Variants in VARS1 observed in about 807,000 individuals in gnomAD.
VARS1 encodes the protein valine--tRNA ligase.
In VARS1, 92 loss-of-function variants were observed where a neutral mutation model predicts 161.0. That is an observed-to-expected ratio of 0.57 (90% CI 0.48 to 0.68). The LOEUF is 0.68. Among genes scored for constraint, VARS1 ranks in the 30% least tolerant of loss-of-function variants. The probability of loss-of-function intolerance (pLI) is 0.00; values close to 1 mark genes in which losing one functional copy is unlikely to be tolerated. For synonymous variants in VARS1, 595 were observed against 682.5 expected, an observed-to-expected ratio of 0.87 and a Z score of 2.00; for missense variants, 1,338 against 1,695.9, an observed-to-expected ratio of 0.79 and a Z score of 3.71.
At chr6:31,789,558 G>A (rs1033828579) in intron 8 of VARS1, among the ~76,000 whole-genome samples, 6 of 152,144 alleles carry the variant, frequency 3.9e-5, no homozygotes, top group East Asian at 1.9e-4. Flanking sequence ...GGCAGCTTCC[G>A]TTTGTACTTA....
In VARS1 at chr6:31,783,230, C is replaced by G. The variant is rs769337159; in HGVS notation, c.1672-44G>C. The stretch of plus-strand genomic sequence containing the variant: ...CAAAAACGCATGAAGCAGGGCCAGA[C>G]GCCGTGATTCCCACCTGTAATCCCA... On this transcript the variant is annotated intron_variant, in intron 13 of 29. Transcript: ENST00000375663. 4 of 1,584,726 alleles carry G rather than the reference C, an allele frequency of 2.5e-6. No individual in the cohort carries two copies. In the South Asian group the frequency reaches 4.5e-5, roughly 18 times the overall value.
At chr6:31,783,215 T>A in intron 13 of VARS1, 29 bp from the exon 14 acceptor site, 3 of 1,607,126 alleles carry the variant, frequency 1.9e-6, no homozygotes, top group Non-Finnish European at 2.5e-6. Context: ...CAAAAACGCA[T>A]GAAGCAGGGC....
chr6:31,790,650 ACAGC>A, intron 8 of VARS1, among the ~76,000 whole-genome samples: 1 of 150,828 alleles, frequency 6.6e-6, no homozygotes, highest in South Asian at 2.1e-4. Flanking sequence ...TCACTATGGT[ACAGC>A]CACACTATGA....
chr6:31,791,614 G>A lies in VARS1; in HGVS notation c.1096C>T (p.Arg366Ter). The A allele has an allele frequency of 6.2e-7, 1 of 1,610,210 alleles. No homozygotes were observed. The highest frequency in any genetic ancestry group is 8.5e-7 in the Non-Finnish European group (1 of 1,178,362). The change falls in exon 8 of 30, where the codon CGA becomes TGA. Residue 366 changes from arginine (R) to a stop codon, truncating the protein, a stop_gained. Coordinates refer to ENST00000375663, the MANE Select transcript of VARS1 (RefSeq NM_006295.3). LOFTEE classifies it high-confidence loss of function. This position sits in a 1 kb window ranked among gnomAD's most constrained non-coding sequence, Gnocchi z 5.0. ...AAGGTGCAGATAGAAGCTCACCATC[G>A]AGTCAGGGAGTCCTGGATGGCGTTG... ...LTNAIQDSLT[R>*]WHRMRGETTL...
chr6:31,783,169 G>T lies in VARS1; in HGVS notation c.1689C>A (p.Asn563Lys). Reference protein sequence around the residue: ...DTRYQHLKGKNVIHPFLSRSL... With the variant: ...DTRYQHLKGKKVIHPFLSRSL... ...TCCGAGACAGGAATGGGTGGATCAC[G>T]TTCTTCCCCTTCAGGTGCTGGGGGC... is the stretch of plus-strand genomic sequence containing the variant. Residue 563 changes from asparagine (N) to lysine (K), a missense_variant, in exon 14 of 30, where the codon AAC becomes AAA. Transcript: ENST00000375663. 6.2e-7 allele frequency: 1 copy of T among 1,612,694 alleles called. No homozygotes were observed. Among genetic ancestry groups the T allele is most frequent in the Non-Finnish European group, 8.5e-7 (1 of 1,179,904 alleles).
rs9279417 is a variant in VARS1, at chr6:31,786,665, C to CA, written c.1101-933dup. 5.4e-3 allele frequency among the ~76,000 whole-genome samples: 171 copies of CA among 31,584 alleles called. 27 individuals are homozygous for CA. The highest frequency in any genetic ancestry group is 9.7e-3 in the East Asian group (8 of 826). 20.7% of individuals were successfully genotyped at this position (31,584 alleles called of 152,430 possible). A position where few individuals can be genotyped will look rare whatever the true frequency, so the allele number is the denominator to read the frequency against. ...CGGATGACAGAGTGAGACTCTGTCT[C>CA]AAAAAAAAAAAAAAAAAAAAAAAAA... is the stretch of plus-strand genomic sequence containing the variant. On this transcript the variant is annotated intron_variant, in intron 8 of 29. Coordinates refer to ENST00000375663, the MANE Select transcript of VARS1 (RefSeq NM_006295.3).
At position 31,780,150 on chromosome 6, in the gene VARS1, C is replaced by T. The variant is rs769819741; in HGVS notation, c.2929G>A (p.Gly977Arg). 41 of 1,613,332 alleles carry T rather than the reference C, an allele frequency of 2.5e-5. No individual in the cohort carries two copies. The highest frequency in any genetic ancestry group is 3.2e-5 in the Non-Finnish European group (38 of 1,179,874). ...GFVPSPTSQP[G>R]GHESLVDRWI... Reference sequence around the variant, plus strand: ...CGGTCCACCAGGCTCTCATGGCCTCCGGGCTTGGGGAGAGAGGGTGTATCA... The same window carrying T: ...CGGTCCACCAGGCTCTCATGGCCTCTGGGCTTGGGGAGAGAGGGTGTATCA... The change falls in exon 26 of 30, where the codon GGA (glycine) becomes AGA (arginine). Residue 977 changes from glycine to arginine, a missense_variant. Around this residue, in one of 3 missense-constraint regions of VARS1, gnomAD observed 433 missense variants for 586.2 expected, o/e 0.74. Coordinates refer to ENST00000375663, the MANE Select transcript of VARS1 (RefSeq NM_006295.3). The surrounding 1 kb of genome is among the most constrained non-coding windows in gnomAD (Gnocchi z 5.1).
chr6:31,784,516 A>G lies in VARS1; in HGVS notation c.1468-14T>C, dbSNP rs778598910. Reference sequence around the variant, plus strand: ...CTTCTTATCCACCTGTAAAATGGGTATTTAGAGGCGTGGCCCAGGGGCCAG... The same window carrying G: ...CTTCTTATCCACCTGTAAAATGGGTGTTTAGAGGCGTGGCCCAGGGGCCAG... On this transcript the variant is annotated splice_polypyrimidine_tract_variant and intron_variant, in intron 11 of 29. Transcript: ENST00000375663. This position sits in a 1 kb window ranked among gnomAD's most constrained non-coding sequence, Gnocchi z 6.1. 1.2e-5 allele frequency: 19 copies of G among 1,613,738 alleles called. No individual in the cohort carries two copies. The South Asian group carries it at 2.1e-4, about 18-fold the overall frequency.
rs566508743 is a variant in VARS1, at chr6:31,793,048, C to G, written c.460G>C (p.Gly154Arg). ...EWLRLHTYLA[G>R]EAPTLADLAA... ...AGGTCAGCCAGAGTGGGGGCCTCCC[C>G]GGCCAAGTAGGTGTGCAGCCGAAGC... The change falls in exon 3 of 30, where the codon GGG (glycine) becomes CGG (arginine). Residue 154 changes from glycine to arginine, a missense_variant. Physicochemically the swap from Gly to Arg is moderately radical, Grantham distance 125. Around this residue, in one of 3 missense-constraint regions of VARS1, gnomAD observed 902 missense variants for 1,090.3 expected, o/e 0.83. Coordinates refer to ENST00000375663, the MANE Select transcript of VARS1 (RefSeq NM_006295.3). The G allele has an allele frequency of 6.2e-7, 1 of 1,613,032 alleles. No individual in the cohort carries two copies. The highest frequency in any genetic ancestry group is 8.5e-7 in the Non-Finnish European group (1 of 1,180,018).
At chr6:31,787,351 TAAG>T (rs1813572169) in intron 8 of VARS1, among the ~76,000 whole-genome samples, 1 of 152,120 alleles carries the variant, frequency 6.6e-6, no homozygotes, top group Non-Finnish European at 1.5e-5. Context: ...AAGAGTTTTA[TAAG>T]AAGTATGTGG....
Position 31,781,909 on chromosome 6 carries a change from T to A in VARS1, c.2285A>T (p.Glu762Val). Residue 762 changes from glutamate to valine, a missense_variant, in exon 19 of 30, where the codon GAG (glutamate) becomes GTG (valine). By Grantham distance (121) the Glu-to-Val change is moderately radical. This residue lies in a region of VARS1 where 902 missense variants were observed against 1,090.3 expected (regional missense o/e 0.83). Coordinates refer to ENST00000375663, the MANE Select transcript of VARS1 (RefSeq NM_006295.3). The surrounding 1 kb of genome is among the most constrained non-coding windows in gnomAD (Gnocchi z 6.8). ...RYWVSGRNEA[E>V]AREKAAKEFG... ...CTCCTTGGCTGCCTTCTCCCGGGCC[T>A]CCGCCTCATTGCGTCCACTCACCCA... The A allele has an allele frequency of 6.2e-7, 1 of 1,612,928 alleles. No individual in the cohort carries two copies. Among genetic ancestry groups the A allele is most frequent in the Non-Finnish European group, 8.5e-7 (1 of 1,180,012 alleles).
chr6:31,794,980 A>G lies in VARS1; in HGVS notation c.238T>C (p.Trp80Arg). 6.2e-7 allele frequency: 1 copy of G among 1,611,266 alleles called. No individual in the cohort carries two copies. Among genetic ancestry groups the G allele is most frequent in the Non-Finnish European group, 8.5e-7 (1 of 1,179,210 alleles). ...WGATAVAQLLWPAGLGGPGGS... is the reference protein window; with the variant it reads ...WGATAVAQLLRPAGLGGPGGS... ...CCTGGGCCCCCCAGGCCTGCTGGCCACAGCAGCTGGGCCACAGCCGTGGCC... is the reference window on the plus strand; with the variant it reads ...CCTGGGCCCCCCAGGCCTGCTGGCCGCAGCAGCTGGGCCACAGCCGTGGCC... The change falls in exon 2 of 30, where the codon TGG (tryptophan) becomes CGG (arginine). Residue 80 changes from tryptophan to arginine, a missense_variant. By Grantham distance (101) the Trp-to-Arg change is moderately radical. Around this residue, in one of 3 missense-constraint regions of VARS1, gnomAD observed 902 missense variants for 1,090.3 expected, o/e 0.83. Coordinates refer to ENST00000375663, the MANE Select transcript of VARS1 (RefSeq NM_006295.3).
chr6:31,778,855 G>T lies in VARS1; in HGVS notation c.3726+112C>A. On this transcript the variant is annotated intron_variant, in intron 29 of 29. Transcript: ENST00000375663. The surrounding 1 kb of genome is among the most constrained non-coding windows in gnomAD (Gnocchi z 5.1). ...GAGTGGAGAAGGAACAAAGAAATCT[G>T]TAACTGGTTACGATCAATTAGTTGT... The T allele has an allele frequency of 1.4e-6, 2 of 1,405,124 alleles. No individual in the cohort carries two copies. The highest frequency in any genetic ancestry group is 2.0e-6 in the Non-Finnish European group (2 of 1,021,692). 87.0% of individuals were successfully genotyped at this position (1,405,124 alleles called of 1,614,324 possible).
rs1219563423 is a variant in VARS1 at position 31,795,134 on chromosome 6, C to T, written c.84G>A (p.Gly28=). The change falls in exon 2 of 30, where the codon GGG becomes GGA. Residue 28 remains glycine, a synonymous_variant. Transcript: ENST00000375663. The surrounding 1 kb of genome is among the most constrained non-coding windows in gnomAD (Gnocchi z 6.9). ...ALIAARYGEA[G]EGPGWGGAHP... is the part of the protein sequence containing the mutation. ...GGGCTCCTCCCCATCCGGGACCCTC[C>T]CCAGCCTCCCCATAGCGAGCGGCTA... 5 of 1,485,926 alleles carry T rather than the reference C, an allele frequency of 3.4e-6. No individual in the cohort carries two copies. Among genetic ancestry groups the T allele is most frequent in the Non-Finnish European group, 3.6e-6 (4 of 1,118,310 alleles). The allele number at this position is 1,485,926 out of a possible 1,614,324, so 92.0% of individuals were successfully genotyped here. A position where few individuals can be genotyped will look rare whatever the true frequency, so the allele number is the denominator to read the frequency against.
rs1394960891 is a variant in VARS1, at chr6:31,782,098, G to T, written c.2230C>A (p.Pro744Thr). ...GGCCCTCTGCTCACCTCCCCAGGGG[G>T]CACCGCTGGGTCACTGACAGTGACA... ...YFVTVSDPAV[P>T]PGEDPDGRYW... The change falls in exon 18 of 30, where the codon CCC becomes ACC. Residue 744 changes from proline (P) to threonine (T), a missense_variant. Physicochemically the swap from Pro to Thr is conservative, Grantham distance 38. This residue lies in a region of VARS1 where 902 missense variants were observed against 1,090.3 expected (regional missense o/e 0.83). Coordinates refer to ENST00000375663, the MANE Select transcript of VARS1 (RefSeq NM_006295.3). This position sits in a 1 kb window ranked among gnomAD's most constrained non-coding sequence, Gnocchi z 8.3. 1 of 1,613,546 alleles carries T rather than the reference G, an allele frequency of 6.2e-7. No individual in the cohort carries two copies. The highest frequency in any genetic ancestry group is 8.5e-7 in the Non-Finnish European group (1 of 1,179,764).
chr6:31,794,789 T>TCTGAATTTCTCCCCTCCC, intron 2 of VARS1, 42 bp downstream of exon 2: 1 of 1,510,126 alleles, frequency 6.6e-7, no homozygotes, highest in East Asian at 2.3e-5. Flanking sequence ...GCTTCCCTCC[T>TCTGAATTTCTCCCCTCCC]CTGAATTTCT....
At position 31,784,256 on chromosome 6, in the gene VARS1, T is replaced by C; in HGVS notation, c.1629A>G (p.Gly543=). 6.2e-7 allele frequency: 1 copy of C among 1,614,166 alleles called. No individual in the cohort carries two copies. The highest frequency in any genetic ancestry group is 8.5e-7 in the Non-Finnish European group (1 of 1,180,012). ...VATTRIETML[G]DVAVAVHPKD... ...TGGGGTGCACAGCTACAGCCACATC[T>C]CCCAGCATTGTCTCGATCCGAGTTG... Residue 543 remains glycine (G), a synonymous_variant, in exon 13 of 30, where the codon GGA becomes GGG. Transcript: ENST00000375663. This position sits in a 1 kb window ranked among gnomAD's most constrained non-coding sequence, Gnocchi z 6.1.
rs780293584 is a variant in VARS1, at chr6:31,782,442, G to A, written c.1993C>T (p.Arg665Trp). 4.3e-6 allele frequency: 7 copies of A among 1,611,904 alleles called. No individual in the cohort carries two copies. The highest frequency in any genetic ancestry group is 5.9e-6 in the Non-Finnish European group (7 of 1,179,466). The change falls in exon 17 of 30, where the codon CGG becomes TGG. Residue 665 changes from arginine (R) to tryptophan (W), a missense_variant and splice_region_variant. By Grantham distance (101) the Arg-to-Trp change is moderately radical. Coordinates refer to ENST00000375663, the MANE Select transcript of VARS1 (RefSeq NM_006295.3). The surrounding 1 kb of genome is among the most constrained non-coding windows in gnomAD (Gnocchi z 8.3). The part of the protein sequence containing the change: ...DNPMVVPLCN[R>W]SKDVVEPLLR... ...AGAGGCTCTACCACGTCCTTCGACC[G>A]GCTGGGGGTACACGTAGGTGAGAAG...
At chr6:31,783,568 AC>A (rs1183000087) in intron 13 of VARS1, among the ~76,000 whole-genome samples, 2 of 151,776 alleles carry the variant, frequency 1.3e-5, no homozygotes, top group Non-Finnish European at 2.9e-5. Context: ...CACATCTCTA[AC>A]CCCCACACTT....
Sources: allele counts gnomAD v4.1 joint callset (sites outside exome capture counted in the v4.1 genomes callset), GRCh38; gene constraint gnomAD v4.1.1; regional missense constraint gnomAD v4.1.1; non-coding constraint Gnocchi (gnomAD v3.1); transcripts MANE v1.5; gene names NCBI Gene and HGNC (gene_info 2026-07-23, HGNC 2026-07-21).